Variants in FGF12 observed in about 807,000 individuals in gnomAD.
FGF12 encodes the protein fibroblast growth factor 12B.
Under a neutral mutation model 23.6 loss-of-function variants are expected in FGF12, and 14 were observed. The ratio of observed to expected loss-of-function variants is 0.59; its 90% CI spans 0.39 to 0.93. The LOEUF is 0.93. FGF12 is among the 40% of genes least tolerant of loss of function. FGF12 has a pLI of 0.00. For missense variants in FGF12, 175 were observed against 217.8 expected, an observed-to-expected ratio of 0.80 and a Z score of 1.24; for synonymous variants, 62 against 77.3, an observed-to-expected ratio of 0.80 and a Z score of 1.04.
chr3:192,433,874 C>T (rs1005114812), intron 2 of FGF12, among the ~76,000 whole-genome samples: 8 of 152,154 alleles, frequency 5.3e-5, no homozygotes, highest in Non-Finnish European at 8.8e-5. Flanking sequence ...TGTGCCATGC[C>T]CCACACTGAG....
chr3:192,416,180 C>G (rs527881015), intron 2 of FGF12, among the ~76,000 whole-genome samples: 1 of 152,216 alleles, frequency 6.6e-6, no homozygotes, highest in Non-Finnish European at 1.5e-5. Context: ...TCACAGGTAT[C>G]TGATGTTGAG....
chr3:192,452,142 G>A (rs1373747073), intron 2 of FGF12, among the ~76,000 whole-genome samples: 1 of 151,980 alleles, frequency 6.6e-6, no homozygotes, highest in Non-Finnish European at 1.5e-5. Flanking sequence ...GGTTTTTTTG[G>A]TACATATTTT....
At chr3:192,454,537 A>G (rs1722622305) in intron 2 of FGF12, among the ~76,000 whole-genome samples, 1 of 152,214 alleles carries the variant, frequency 6.6e-6, no homozygotes, top group South Asian at 2.1e-4. Context: ...AAGGAGAAAA[A>G]AAAATTCAGG....
intron 2 of FGF12, among the ~76,000 whole-genome samples, chr3:192,717,416 TAAAA>T (rs1280637425): frequency 1.3e-5 from 2 of 152,188 alleles, no homozygotes; most frequent in Non-Finnish European, 2.9e-5. Context: ...CTAAACATAG[TAAAA>T]GCTGCAAAAG....
At chr3:192,682,680 T>C (rs1166685746) in intron 2 of FGF12, among the ~76,000 whole-genome samples, 2 of 152,214 alleles carry the variant, frequency 1.3e-5, no homozygotes, top group Non-Finnish European at 2.9e-5. Flanking sequence ...CATCAGAGTG[T>C]CTGTGATTCA....
chr3:192,586,345 G>A (rs1713373511), intron 2 of FGF12, among the ~76,000 whole-genome samples: 1 of 152,038 alleles, frequency 6.6e-6, no homozygotes, highest in South Asian at 2.1e-4. Flanking sequence ...AATGAACTCT[G>A]GAAATTTACG....
At chr3:192,222,391 C>T (rs922520060) in intron 4 of FGF12, among the ~76,000 whole-genome samples, 9 of 152,158 alleles carry the variant, frequency 5.9e-5, no homozygotes, top group African/African-American at 2.2e-4. Flanking sequence ...ACCTTTACTT[C>T]TATTCTGAAA....
intron 2 of FGF12, among the ~76,000 whole-genome samples, chr3:192,598,162 T>G (rs1330657017): frequency 2.6e-5 from 4 of 152,210 alleles, no homozygotes; most frequent in Non-Finnish European, 5.9e-5. Flanking sequence ...TAATTGCAGA[T>G]GTACTACAGT....
intron 2 of FGF12, among the ~76,000 whole-genome samples, chr3:192,709,055 T>C (rs996825411): frequency 1.3e-5 from 2 of 152,214 alleles, no homozygotes; most frequent in African/African-American, 4.8e-5. Flanking sequence ...ATTGTCTGCC[T>C]CTCCAAAATG....
chr3:192,484,454 G>C (rs368970359), intron 2 of FGF12, among the ~76,000 whole-genome samples: 1 of 151,886 alleles, frequency 6.6e-6, no homozygotes, highest in African/African-American at 2.4e-5. Context: ...ATTACAGCTC[G>C]CATATCCCCA....
chr3:192,525,798 C>T (rs764875868), intron 2 of FGF12, among the ~76,000 whole-genome samples: 5 of 152,008 alleles, frequency 3.3e-5, no homozygotes, highest in East Asian at 1.9e-4. Context: ...TTTTTTGAGT[C>T]GGAGTCTCAC....
At chr3:192,231,236 A>G (rs1719002113) in intron 4 of FGF12, among the ~76,000 whole-genome samples, 1 of 152,178 alleles carries the variant, frequency 6.6e-6, no homozygotes, top group Non-Finnish European at 1.5e-5. Flanking sequence ...ACAAACCTTA[A>G]AATGCATGGA....
intron 2 of FGF12, among the ~76,000 whole-genome samples, chr3:192,719,786 C>CAAAAAAAAAAAAAAA (rs553013127): frequency 9.8e-6 from 1 of 102,380 alleles, no homozygotes. Context: ...AGACTAAGGG[C>CAAAAAAAAAAAAAAA]AAAAAAAAAA....
At chr3:192,337,324 G>A (rs1041516914) in intron 3 of FGF12, among the ~76,000 whole-genome samples, 3 of 152,148 alleles carry the variant, frequency 2.0e-5, no homozygotes, top group Non-Finnish European at 2.9e-5. Context: ...AGAAGCGGAA[G>A]TTGAGAAAGC....
chr3:192,500,870 G>T (rs1379958584), intron 2 of FGF12, among the ~76,000 whole-genome samples: 2 of 152,266 alleles, frequency 1.3e-5, no homozygotes, highest in African/African-American at 2.4e-5. Context: ...GCACTGAGGG[G>T]TTAAAGAACA....
intron 4 of FGF12, among the ~76,000 whole-genome samples, chr3:192,315,448 TTC>T (rs1465323676): frequency 6.6e-6 from 1 of 152,180 alleles, no homozygotes; most frequent in Non-Finnish European, 1.5e-5. Flanking sequence ...CATAAATTCT[TTC>T]TCTTTTCCTC....
At chr3:192,201,318 G>A (rs1375294812) in intron 4 of FGF12, among the ~76,000 whole-genome samples, 2 of 152,188 alleles carry the variant, frequency 1.3e-5, no homozygotes, top group Non-Finnish European at 2.9e-5. Flanking sequence ...GAATGGAAAT[G>A]GAACACAACA....
intron 2 of FGF12, among the ~76,000 whole-genome samples, chr3:192,722,515 T>C (rs1218077441): frequency 6.6e-6 from 1 of 152,178 alleles, no homozygotes; most frequent in Non-Finnish European, 1.5e-5. Flanking sequence ...GAATTGAATC[T>C]TCCTTGGAAA....
chr3:192,473,635 T>C (rs1723236228), intron 2 of FGF12, among the ~76,000 whole-genome samples: 1 of 152,212 alleles, frequency 6.6e-6, no homozygotes, highest in Non-Finnish European at 1.5e-5. Flanking sequence ...TCCTGAATCA[T>C]GTTTCCTCTC....
Sources: allele counts gnomAD v4.1 joint callset (sites outside exome capture counted in the v4.1 genomes callset), GRCh38; gene constraint gnomAD v4.1.1; transcripts MANE v1.5; gene names NCBI Gene and HGNC (gene_info 2026-07-23, HGNC 2026-07-21).